Variants in KALRN observed in about 807,000 individuals in gnomAD.
KALRN encodes the protein kalirin.
Under a neutral mutation model 353.7 loss-of-function variants are expected in KALRN, and 70 were observed. That is an observed-to-expected ratio of 0.20 (90% confidence interval 0.16 to 0.24). KALRN has a LOEUF of 0.24. Among genes scored for constraint, KALRN ranks in the 10% least tolerant of loss-of-function variants. The probability of loss-of-function intolerance (pLI) is 1.00; values close to 1 mark genes in which losing one functional copy is unlikely to be tolerated. For synonymous variants in KALRN, 1,391 were observed against 1,434.8 expected, an observed-to-expected ratio of 0.97 and a Z score of 0.69; for missense variants, 2,791 against 3,756.7, an observed-to-expected ratio of 0.74 and a Z score of 6.72.
At chr3:124,641,063 C>T (rs1388572050) in intron 37 of KALRN, among the ~76,000 whole-genome samples, 1 of 152,166 alleles carries the variant, frequency 6.6e-6, no homozygotes, top group Non-Finnish European at 1.5e-5. Flanking sequence ...CCCCATGTTC[C>T]TATCTCCCAG....
At chr3:124,469,161 T>C (rs1030734983) in intron 25 of KALRN, among the ~76,000 whole-genome samples, 5 of 152,230 alleles carry the variant, frequency 3.3e-5, no homozygotes, top group Non-Finnish European at 5.9e-5. Context: ...TCACACAAAT[T>C]AGACAAAGTT....
chr3:124,488,382 G>A, intron 29 of KALRN, 67 bp downstream of exon 29: 1 of 1,052,646 alleles, frequency 9.5e-7, no homozygotes, highest in Non-Finnish European at 1.5e-6. Context: ...TGTATCATGG[G>A]AGGGAAGTGG....
intron 33 of KALRN, among the ~76,000 whole-genome samples, chr3:124,512,825 G>T (rs936961638): frequency 6.6e-6 from 1 of 152,102 alleles, no homozygotes; most frequent in South Asian, 2.1e-4. Flanking sequence ...TAAATAATGG[G>T]TATTTCTGGG....
chr3:124,703,884 G>A (rs2062468973), intron 57 of KALRN, among the ~76,000 whole-genome samples: 1 of 151,962 alleles, frequency 6.6e-6, no homozygotes, highest in Non-Finnish European at 1.5e-5. Context: ...TGCCCAGGCT[G>A]GTCTCAAATT....
intron 1 of KALRN, among the ~76,000 whole-genome samples, chr3:124,075,377 G>A (rs1417272479): frequency 6.6e-6 from 1 of 152,198 alleles, no homozygotes; most frequent in Non-Finnish European, 1.5e-5. Context: ...TGTCCATCAA[G>A]GAGGGCAAGT....
intron 1 of KALRN, among the ~76,000 whole-genome samples, chr3:124,215,047 G>A (rs550542819): frequency 1.3e-5 from 2 of 152,282 alleles, no homozygotes; most frequent in South Asian, 4.1e-4. Flanking sequence ...AGTCTCATAA[G>A]GGCAGGGGGA....
At chr3:124,468,633 T>G (rs1418504947) in intron 25 of KALRN, among the ~76,000 whole-genome samples, 1 of 152,166 alleles carries the variant, frequency 6.6e-6, no homozygotes, top group African/African-American at 2.4e-5. Flanking sequence ...AAGAAATCGT[T>G]AAAGATAATC....
intron 34 of KALRN, among the ~76,000 whole-genome samples, chr3:124,580,151 C>A (rs1465427015): frequency 1.3e-5 from 2 of 152,194 alleles, no homozygotes; most frequent in African/African-American, 4.8e-5. Flanking sequence ...CCACCCCAGA[C>A]CTACTAAATC....
chr3:124,698,515 T>C (rs539608063), intron 55 of KALRN, among the ~76,000 whole-genome samples: 1 of 152,340 alleles, frequency 6.6e-6, no homozygotes, highest in South Asian at 2.1e-4. Context: ...GGTGTCTTCA[T>C]GCATGTATCC....
chr3:124,557,856 T>C (rs1479319674), intron 33 of KALRN, among the ~76,000 whole-genome samples: 4 of 152,150 alleles, frequency 2.6e-5, no homozygotes, highest in Admixed American at 2.0e-4. Context: ...TATTCACAGT[T>C]AGAAGGCTCA....
rs147752914 is a variant in KALRN, at chr3:124,402,465, T to C, written c.2346+3594T>C. 3.0e-3 allele frequency among the ~76,000 whole-genome samples: 458 copies of C among 152,332 alleles called. 2 individuals are homozygous for C. The highest frequency in any genetic ancestry group is 0.01 in the African/African-American group (434 of 41,578). The stretch of plus-strand genomic sequence containing the variant: ...AAACTAGTTATGATAGAAGAGACAT[T>C]TCACCAAATACAAATGTTTATTTTG... On this transcript the variant is annotated intron_variant, in intron 13 of 59. Transcript: ENST00000682506.
chr3:124,466,905 A>G (rs1464715641), intron 25 of KALRN, among the ~76,000 whole-genome samples: 1 of 152,164 alleles, frequency 6.6e-6, no homozygotes, highest in Non-Finnish European at 1.5e-5. Flanking sequence ...AATTTGATGA[A>G]TATTTCTACC....
Position 124,491,383 on chromosome 3 carries a change from T to G in KALRN, c.4648T>G (p.Ser1550Ala). Reference sequence around the variant, plus strand: ...CGATCCCTGCAAATTCGCCTTGTGGTCTGGGCGCACCCCATCCTCAGACAA... The same window carrying G: ...CGATCCCTGCAAATTCGCCTTGTGGGCTGGGCGCACCCCATCCTCAGACAA... ...EGDPCKFALW[S>A]GRTPSSDNKT... Residue 1550 changes from serine (S) to alanine (A), a missense_variant, in exon 31 of 60, where the codon TCT (serine) becomes GCT (alanine). Transcript: ENST00000682506. 6.2e-7 allele frequency: 1 copy of G among 1,610,778 alleles called. No individual in the cohort carries two copies. The highest frequency in any genetic ancestry group is 8.5e-7 in the Non-Finnish European group (1 of 1,178,254).
At chr3:124,073,149 A>G (rs2060097200) in intron 1 of KALRN, among the ~76,000 whole-genome samples, 1 of 152,164 alleles carries the variant, frequency 6.6e-6, no homozygotes, top group Non-Finnish European at 1.5e-5. Context: ...CAAGATATGG[A>G]GTTTCTGGCT....
chr3:124,523,697 C>T (rs1475438168), intron 33 of KALRN, among the ~76,000 whole-genome samples: 1 of 152,138 alleles, frequency 6.6e-6, no homozygotes, highest in Non-Finnish European at 1.5e-5. Flanking sequence ...TCTACCTACC[C>T]CTCCACAAAA....
chr3:124,222,346 T>C (rs1427336304), intron 1 of KALRN, among the ~76,000 whole-genome samples: 1 of 152,154 alleles, frequency 6.6e-6, no homozygotes, highest in Non-Finnish European at 1.5e-5. Flanking sequence ...CAAAGCTGAA[T>C]TTGAATAATA....
In KALRN at chr3:124,334,189, G is replaced by A. The variant is rs1030342752; in HGVS notation, c.1417-76G>A. 4 of 1,273,510 alleles carry A rather than the reference G, an allele frequency of 3.1e-6. No individual in the cohort carries two copies. In the African/African-American group the frequency reaches 5.8e-5, roughly 19 times the overall value. The allele number at this position is 1,273,510 out of a possible 1,614,324, so 78.9% of individuals were successfully genotyped here. A position where few individuals can be genotyped will look rare whatever the true frequency, so the allele number is the denominator to read the frequency against. On this transcript the variant is annotated intron_variant, in intron 8 of 59. Coordinates refer to ENST00000682506, the MANE Select transcript of KALRN (RefSeq NM_001388419.1). This position sits in a 1 kb window ranked among gnomAD's most constrained non-coding sequence, Gnocchi z 4.2. The stretch of plus-strand genomic sequence containing the variant: ...AGAAGGCCTAGTCAGGGACCCTCAG[G>A]CAGACACTTCCTGCTTCTCTCTGTG...
chr3:124,125,380 T>A (rs987712602), intron 1 of KALRN, among the ~76,000 whole-genome samples: 4 of 152,302 alleles, frequency 2.6e-5, no homozygotes, highest in African/African-American at 9.6e-5. Context: ...CAACTACACA[T>A]GAAATGACTC....
At chr3:124,152,666 T>C in intron 1 of KALRN, 1 of 568,362 alleles carries the variant, frequency 1.8e-6, no homozygotes, top group Non-Finnish European at 3.1e-6. Flanking sequence ...CAATCGAGGC[T>C]CACTGCAACC....
Sources: gnomAD v4.1 joint callset for allele counts (sites outside exome capture counted in the v4.1 genomes callset) on GRCh38, gnomAD v4.1.1 for gene constraint, Gnocchi (gnomAD v3.1) non-coding constraint, MANE v1.5 for transcripts, NCBI Gene and HGNC (gene_info 2026-07-23, HGNC 2026-07-21) for gene names.